The following ADAMTS6 variants were observed in gnomAD, a reference collection of about 807,000 sequenced individuals.
The protein encoded by ADAMTS6 is ADAM metallopeptidase with thrombospondin type 1 motif 6, also known as A disintegrin and metalloproteinase with thrombospondin motifs 6.
In ADAMTS6, 23 loss-of-function variants were observed where a neutral mutation model predicts 144.3. That is an observed-to-expected ratio of 0.16 (90% CI 0.11 to 0.23). The LOEUF is 0.23. Ranked by LOEUF, ADAMTS6 falls within the 10% of genes least tolerant of loss-of-function variation. The probability of loss-of-function intolerance (pLI) is 1.00; values close to 1 mark genes in which losing one functional copy is unlikely to be tolerated. For synonymous variants in ADAMTS6, 444 were observed against 457.5 expected (o/e 0.97, Z 0.38); for missense variants, 999 against 1,379.6 (o/e 0.72, Z 4.37).
In ADAMTS6 at chr5:65,214,783, G is replaced by A. The variant is rs544237501; in HGVS notation, c.2575+11C>T. 72 of 1,613,852 alleles carry A rather than the reference G, an allele frequency of 4.5e-5. No individual in the cohort carries two copies. The highest frequency in any genetic ancestry group is 5.9e-5 in the Non-Finnish European group (70 of 1,179,980). On this transcript the variant is annotated intron_variant, in intron 20 of 24. Transcript: ENST00000381055. The surrounding 1 kb of genome is among the most constrained non-coding windows in gnomAD (Gnocchi z 4.6). ...TTGCCCTCTGGGTGGGCTGCCTAGT[G>A]GGCATCTTACCTCCAGCACAAGTAG... is the stretch of plus-strand genomic sequence containing the variant.
intron 22 of ADAMTS6, 97 bp from the exon 23 acceptor site, chr5:65,173,105 G>T: frequency 8.2e-7 from 1 of 1,216,296 alleles, no homozygotes; most frequent in Non-Finnish European, 1.2e-6. Context: ...TTTTAGTATA[G>T]AATATACACA....
At chr5:65,290,697 A>G (rs1742213896) in intron 11 of ADAMTS6, among the ~76,000 whole-genome samples, 1 of 152,194 alleles carries the variant, frequency 6.6e-6, no homozygotes, top group African/African-American at 2.4e-5. Flanking sequence ...GTCCACTAAA[A>G]TCTTGCTCTA....
chr5:65,199,668 T>C (rs1490029756), intron 20 of ADAMTS6, among the ~76,000 whole-genome samples: 2 of 152,180 alleles, frequency 1.3e-5, no homozygotes, highest in Non-Finnish European at 2.9e-5. Context: ...GTTTAAAAAT[T>C]ACATGTATAC....
intron 7 of ADAMTS6, among the ~76,000 whole-genome samples, chr5:65,398,532 C>T (rs1753546479): frequency 6.6e-6 from 1 of 152,010 alleles, no homozygotes. Flanking sequence ...CGAGACCGGC[C>T]TGGCCAACAT....
chr5:65,452,879 G>A lies in ADAMTS6; in HGVS notation c.671C>T (p.Thr224Ile). Residue 224 changes from threonine to isoleucine, a missense_variant, in exon 5 of 25, where the codon ACA becomes ATA. Thr to Ile is a moderately conservative substitution (Grantham distance 89, BLOSUM62 -1). Transcript: ENST00000381055. ...RSGKPWWLND[T>I]STVSYSLPIN... ...TGGTAGTGAATAAGAAACAGTGGATGTGTCATTCAGCCACCAAGGTTTGCC... is the reference window on the plus strand; with the variant it reads ...TGGTAGTGAATAAGAAACAGTGGATATGTCATTCAGCCACCAAGGTTTGCC... 1 of 1,613,854 alleles carries A rather than the reference G, an allele frequency of 6.2e-7. No homozygotes were observed.
At chr5:65,363,420 T>C (rs1248174819) in intron 7 of ADAMTS6, among the ~76,000 whole-genome samples, 1 of 152,168 alleles carries the variant, frequency 6.6e-6, no homozygotes, top group Non-Finnish European at 1.5e-5. Flanking sequence ...AGACTGAAAA[T>C]AATGCTATGC....
intron 22 of ADAMTS6, among the ~76,000 whole-genome samples, chr5:65,174,112 C>T (rs1310713094): frequency 4.6e-5 from 7 of 151,940 alleles, no homozygotes; most frequent in Admixed American, 1.3e-4. Flanking sequence ...ACCTTTCATA[C>T]GAGAAACATT....
chr5:65,411,945 T>C (rs1755092381), intron 7 of ADAMTS6, among the ~76,000 whole-genome samples: 1 of 152,160 alleles, frequency 6.6e-6, no homozygotes. Context: ...TTAGTCCCAC[T>C]ACAGTACTAA....
chr5:65,215,609 AC>A, intron 18 of ADAMTS6, 122 bp from the exon 19 acceptor site: 2 of 804,070 alleles, frequency 2.5e-6, no homozygotes, highest in Non-Finnish European at 3.8e-6. Context: ...GTGACTCTTG[AC>A]CATATTCTTA....
intron 15 of ADAMTS6, among the ~76,000 whole-genome samples, chr5:65,232,465 C>G (rs1221200820): frequency 6.6e-6 from 1 of 151,194 alleles, no homozygotes; most frequent in Non-Finnish European, 1.5e-5. Flanking sequence ...TTTAGCTATA[C>G]TAGGAGAGAA....
intron 14 of ADAMTS6, among the ~76,000 whole-genome samples, chr5:65,255,478 C>T (rs1760567154): frequency 6.6e-6 from 1 of 152,114 alleles, no homozygotes; most frequent in Non-Finnish European, 1.5e-5. Flanking sequence ...TAGCTTAGCT[C>T]CCACTTATGG....
chr5:65,342,931 A>G (rs10045574), intron 7 of ADAMTS6, among the ~76,000 whole-genome samples: 4,156 of 152,232 alleles, frequency 0.027, 167 homozygotes, highest in African/African-American at 0.095. Context: ...AAAATCCAGA[A>G]GACAATCCCA....
chr5:65,285,080 C>G (rs1265179880), intron 11 of ADAMTS6, among the ~76,000 whole-genome samples: 1 of 152,156 alleles, frequency 6.6e-6, no homozygotes, highest in African/African-American at 2.4e-5. Flanking sequence ...CACCACAGAT[C>G]ACTTTATAAA....
At chr5:65,439,300 G>A (rs1757694053) in intron 7 of ADAMTS6, among the ~76,000 whole-genome samples, 1 of 151,984 alleles carries the variant, frequency 6.6e-6, no homozygotes, top group Non-Finnish European at 1.5e-5. Context: ...TTACAGTCTC[G>A]AGGTAACTTG....
chr5:65,470,468 C>CT (rs1760346237), intron 3 of ADAMTS6, among the ~76,000 whole-genome samples: 1 of 152,012 alleles, frequency 6.6e-6, no homozygotes, highest in African/African-American at 2.4e-5. Context: ...TCAAAAATGA[C>CT]TGAGTTTTGT....
intron 8 of ADAMTS6, among the ~76,000 whole-genome samples, chr5:65,333,376 C>T (rs1028124723): frequency 2.6e-5 from 4 of 151,704 alleles, no homozygotes; most frequent in Non-Finnish European, 5.9e-5. Context: ...TTCTAGAATA[C>T]TACAAAAATG....
chr5:65,396,897 G>C (rs534038642), intron 7 of ADAMTS6, among the ~76,000 whole-genome samples: 3 of 152,350 alleles, frequency 2.0e-5, no homozygotes, highest in Non-Finnish European at 4.4e-5. Context: ...TCTTCTGAGA[G>C]ATTGTAGAGA....
chr5:65,190,318 C>T (rs559452249), intron 21 of ADAMTS6, among the ~76,000 whole-genome samples: 1 of 152,266 alleles, frequency 6.6e-6, no homozygotes, highest in South Asian at 2.1e-4. Context: ...TTTTCATATT[C>T]TTTCCTTTCT....
chr5:65,272,717 C>T (rs112266801), intron 12 of ADAMTS6, among the ~76,000 whole-genome samples: 1,975 of 151,822 alleles, frequency 0.013, 36 homozygotes, highest in African/African-American at 0.044. Context: ...CTCAGGAGTT[C>T]GAGACCAGCC....
Sources: gnomAD v4.1 joint callset for allele counts (sites outside exome capture counted in the v4.1 genomes callset) on GRCh38, gnomAD v4.1.1 for gene constraint, Gnocchi (gnomAD v3.1) non-coding constraint, MANE v1.5 for transcripts, NCBI Gene and HGNC (gene_info 2026-07-23, HGNC 2026-07-21) for gene names.